HERC2: variants seen among roughly 807,000 people sequenced by gnomAD.
HERC2 encodes the protein HECT and RLD domain containing E3 ubiquitin protein ligase 2, also known as E3 ubiquitin-protein ligase HERC2.
A neutral mutation model predicts 537.7 loss-of-function variants in HERC2; 102 were observed. That is an observed-to-expected ratio of 0.19 (90% CI 0.16 to 0.22). The LOEUF is 0.22. HERC2 is among the 10% of genes least tolerant of loss of function. The probability of loss-of-function intolerance (pLI) is 1.00; values close to 1 mark genes in which losing one functional copy is unlikely to be tolerated. For synonymous variants in HERC2, 2,224 were observed against 2,466.2 expected, an observed-to-expected ratio of 0.90 and a Z score of 2.91; for missense variants, 4,236 against 6,198.2, an observed-to-expected ratio of 0.68 and a Z score of 10.63.
intron 16 of HERC2, among the ~76,000 whole-genome samples, chr15:28,258,886 A>T (rs2075341352): frequency 6.6e-6 from 1 of 152,224 alleles, no homozygotes; most frequent in African/African-American, 2.4e-5. Context: ...CAGAATCAAG[A>T]ATGAATGAAG....
intron 86 of HERC2, 185 bp from the exon 87 acceptor site, chr15:28,117,339 C>T (rs764811909): frequency 1.7e-5 from 12 of 715,054 alleles, no homozygotes; most frequent in South Asian, 4.5e-5. Context: ...TGTGGACACC[C>T]GAGACCGCTG....
At chr15:28,210,036 C>T (rs1898985912) in intron 44 of HERC2, among the ~76,000 whole-genome samples, 1 of 146,220 alleles carries the variant, frequency 6.8e-6, no homozygotes, top group African/African-American at 2.5e-5. Context: ...AATCCGCACA[C>T]ACTGCAACCT....
In HERC2 at chr15:28,272,285, A is replaced by G. The variant is rs781539512; in HGVS notation, c.1013T>C (p.Leu338Ser). The part of the protein sequence containing the change: ...RSAQGTSAPL[L>S]PLLQRFQSII... ...GCTCTGGAACCTTTGCAGCAAGGGC[A>G]AAAGTGGGGCGCTGGTGCCCTGGGC... Residue 338 changes from leucine to serine, a missense_variant, in exon 9 of 93, where the codon TTG becomes TCG. Coordinates refer to ENST00000261609, the MANE Select transcript of HERC2 (RefSeq NM_004667.6). The G allele has an allele frequency of 6.2e-7, 1 of 1,612,600 alleles. No individual in the cohort carries two copies. The highest frequency in any genetic ancestry group is 1.7e-5 in the Admixed American group (1 of 59,876).
Position 28,265,632 on chromosome 15 carries a change from G to A in HERC2, c.1856C>T (p.Ala619Val). 3 of 1,613,878 alleles carry A rather than the reference G, an allele frequency of 1.9e-6. No homozygotes were observed. Among genetic ancestry groups the A allele is most frequent in the Non-Finnish European group, 2.5e-6 (3 of 1,179,850 alleles). Residue 619 changes from alanine to valine, a missense_variant, in exon 14 of 93, where the codon GCT becomes GTT. This residue lies in a region of HERC2 where 754 missense variants were observed against 1,085.0 expected (regional missense o/e 0.69). Coordinates refer to ENST00000261609, the MANE Select transcript of HERC2 (RefSeq NM_004667.6). This position sits in a 1 kb window ranked among gnomAD's most constrained non-coding sequence, Gnocchi z 4.0. ...ACGSGDAQTL[A>V]VTENGQVWSW... Reference sequence around the variant, plus strand: ...GCTCTACGTACCGTTCTCAGTGACAGCCAGGGTTTGAGCATCCCCACTCCC... The same window carrying A: ...GCTCTACGTACCGTTCTCAGTGACAACCAGGGTTTGAGCATCCCCACTCCC...
At chr15:28,312,641 T>C (rs1192032295) in intron 2 of HERC2, 1 of 170,886 alleles carries the variant, frequency 5.9e-6, no homozygotes, top group Non-Finnish European at 1.2e-5. Context: ...AAAAATAAAA[T>C]AAAATAAAGA....
At chr15:28,127,247 A>G (rs1049038584) in intron 83 of HERC2, among the ~76,000 whole-genome samples, 2 of 152,222 alleles carry the variant, frequency 1.3e-5, no homozygotes, top group Admixed American at 6.5e-5. Flanking sequence ...GCAGCTGGGC[A>G]TAGGGAATGA....
intron 19 of HERC2, among the ~76,000 whole-genome samples, chr15:28,255,221 G>A (rs1244690355): frequency 6.6e-6 from 1 of 152,134 alleles, no homozygotes; most frequent in Admixed American, 6.5e-5. Context: ...TGTGGTCCCT[G>A]CAAAACAGGA....
At position 28,246,836 on chromosome 15, in the gene HERC2, G is replaced by A. The variant is rs776337544; in HGVS notation, c.3297C>T (p.His1099=). Reference sequence around the variant, plus strand: ...CGGCCACAGGCAGTATATCTCCAATGTGCGTGCACAGGAGGGCTGTGTACT... The same window carrying A: ...CGGCCACAGGCAGTATATCTCCAATATGCGTGCACAGGAGGGCTGTGTACT... ...LKKYTALLCT[H]IGDILPVAAS... Residue 1099 remains histidine (H), a synonymous_variant, in exon 22 of 93, where the codon CAC becomes CAT. Transcript: ENST00000261609. 2.5e-6 allele frequency: 4 copies of A among 1,612,070 alleles called. No homozygotes were observed. The highest frequency in any genetic ancestry group is 4.5e-5 in the East Asian group (2 of 44,746).
intron 2 of HERC2, chr15:28,315,913 C>A (rs1372878287): frequency 3.4e-5 from 15 of 436,886 alleles, no homozygotes; most frequent in Non-Finnish European, 6.9e-5. Context: ...GCCCTCTGAT[C>A]GCCGATCACC....
chr15:28,154,808 C>T (rs1892817686), intron 69 of HERC2, among the ~76,000 whole-genome samples: 1 of 152,056 alleles, frequency 6.6e-6, no homozygotes, highest in African/African-American at 2.4e-5. Flanking sequence ...GGTACATGTG[C>T]ACAACGTGCA....
intron 37 of HERC2, 36 bp downstream of exon 37, chr15:28,220,416 G>A: frequency 6.3e-7 from 1 of 1,587,762 alleles, no homozygotes; most frequent in Non-Finnish European, 8.6e-7. Flanking sequence ...CAGTTTGTGG[G>A]CTGCCTTGGA....
At chr15:28,149,435 A>C (rs112349115) in intron 70 of HERC2, among the ~76,000 whole-genome samples, 3,285 of 151,068 alleles carry the variant, frequency 0.022, 72 homozygotes, top group African/African-American at 0.076. Context: ...TTACCAAAAA[A>C]ACACATGCGG....
intron 12 of HERC2, among the ~76,000 whole-genome samples, chr15:28,267,651 C>T (rs564125065): frequency 7.9e-5 from 12 of 152,360 alleles, no homozygotes; most frequent in African/African-American, 2.4e-4. Flanking sequence ...ATGTACCACA[C>T]GATACGCATT....
rs776453181 is a variant in HERC2, at chr15:28,213,796, C to A, written c.6732G>T (p.Val2244=). Residue 2244 remains valine (V), a synonymous_variant, in exon 42 of 93, where the codon GTG becomes GTT. Transcript: ENST00000261609. The part of the protein sequence containing the change: ...TRITPKGKIT[V]QFSDMRTCRV... ...GACACGTCCGCATGTCAGAGAACTGCACGGTGATTTTGCCCTTTGGGGTGA... is the reference window on the plus strand; with the variant it reads ...GACACGTCCGCATGTCAGAGAACTGAACGGTGATTTTGCCCTTTGGGGTGA... 4.1e-4 allele frequency: 662 copies of A among 1,613,896 alleles called. No homozygotes were observed. The highest frequency in any genetic ancestry group is 5.5e-4 in the Non-Finnish European group (645 of 1,179,880).
intron 48 of HERC2, 80 bp downstream of exon 48, chr15:28,201,376 G>A (rs1375543597): frequency 4.3e-6 from 4 of 931,128 alleles, no homozygotes; most frequent in Non-Finnish European, 7.1e-6. Context: ...TCTGTCCACT[G>A]ATGTTTGGCA....
At chr15:28,307,437 GTTCT>G (rs1414182222) in intron 2 of HERC2, among the ~76,000 whole-genome samples, 8 of 151,960 alleles carry the variant, frequency 5.3e-5, no homozygotes, top group African/African-American at 1.9e-4. Flanking sequence ...TTCTTTTCTA[GTTCT>G]TTAAGATGTA....
intron 23 of HERC2, among the ~76,000 whole-genome samples, chr15:28,243,155 G>A (rs912795298): frequency 6.6e-6 from 1 of 152,134 alleles, no homozygotes; most frequent in Non-Finnish European, 1.5e-5. Flanking sequence ...AGTGACCAAG[G>A]ACAGTCTTTT....
intron 45 of HERC2, among the ~76,000 whole-genome samples, chr15:28,204,091 G>A (rs1898152473): frequency 6.6e-6 from 1 of 152,230 alleles, no homozygotes; most frequent in African/African-American, 2.4e-5. Flanking sequence ...CTGCCTGTGA[G>A]AAGAAAACTC....
At chr15:28,242,228 C>A (rs1349876773) in intron 23 of HERC2, among the ~76,000 whole-genome samples, 4 of 152,114 alleles carry the variant, frequency 2.6e-5, no homozygotes, top group Non-Finnish European at 2.9e-5. Flanking sequence ...AGATGAGTGG[C>A]GGTGATGGCT....
Sources: allele counts gnomAD v4.1 joint callset (sites outside exome capture counted in the v4.1 genomes callset), GRCh38; gene constraint gnomAD v4.1.1; regional missense constraint gnomAD v4.1.1; non-coding constraint Gnocchi (gnomAD v3.1); transcripts MANE v1.5; gene names NCBI Gene and HGNC (gene_info 2026-07-23, HGNC 2026-07-21).